Variants in CCDC126 observed in about 807,000 individuals in gnomAD.
The protein encoded by CCDC126 is coiled-coil domain containing 126, also known as coiled-coil domain-containing protein 126.
CCDC126 carries 5 observed loss-of-function variants against 11.7 expected under a neutral mutation model. The observed-to-expected ratio is 0.43, with a 90% CI of 0.22 to 0.90. CCDC126 has a LOEUF of 0.90. Among genes scored for constraint, CCDC126 ranks in the 40% least tolerant of loss-of-function variants. The pLI is 0.27. For synonymous variants in CCDC126, 60 were observed against 61.9 expected, an observed-to-expected ratio of 0.97 and a Z score of 0.14; for missense variants, 150 against 163.1, an observed-to-expected ratio of 0.92 and a Z score of 0.44.
At position 23,610,936 on chromosome 7, in the gene CCDC126, A is replaced by G. The variant is rs77189708; in HGVS notation, c.-145-235A>G. On this transcript the variant is annotated intron_variant, in intron 2 of 3. Coordinates refer to ENST00000307471, the MANE Select transcript of CCDC126 (RefSeq NM_138771.4). Reference sequence around the variant, plus strand: ...AAACAATTTGAAGAGTTTTATGACCATGGTTGCATTTTTTCAGTTATTTTC... The same window carrying G: ...AAACAATTTGAAGAGTTTTATGACCGTGGTTGCATTTTTTCAGTTATTTTC... 2.3e-3 allele frequency among the ~76,000 whole-genome samples: 354 copies of G among 152,286 alleles called. 3 individuals carry two copies. Among genetic ancestry groups the G allele is most frequent in the African/African-American group, 8.1e-3 (338 of 41,560 alleles).
intron 3 of CCDC126, among the ~76,000 whole-genome samples, chr7:23,612,723 A>G (rs1047145765): frequency 6.6e-6 from 1 of 152,148 alleles, no homozygotes; most frequent in Non-Finnish European, 1.5e-5. Flanking sequence ...CAATACCATT[A>G]TCACACCTAG....
In CCDC126 at chr7:23,611,341, A is replaced by G. The variant is rs1184498227; in HGVS notation, c.26A>G (p.Asn9Ser). The G allele has an allele frequency of 1.2e-6, 2 of 1,612,628 alleles. No homozygotes were observed. The highest frequency in any genetic ancestry group is 8.5e-7 in the Non-Finnish European group (1 of 1,178,956). Residue 9 changes from asparagine to serine, a missense_variant, in exon 3 of 4, where the codon AAT becomes AGT. Asn to Ser is a conservative substitution (Grantham distance 46). Transcript: ENST00000307471. MFFTISRK[N>S]MSQKLSLLLL... ...ATGTTTTTTACAATCTCAAGAAAAA[A>G]TATGTCCCAGAAATTGAGTTTACTG...
intron 3 of CCDC126, among the ~76,000 whole-genome samples, chr7:23,633,312 G>C (rs1467186405): frequency 1.3e-5 from 2 of 152,132 alleles, no homozygotes; most frequent in African/African-American, 4.8e-5. Context: ...ATCTTAAGAA[G>C]AGAAGTAATA....
Position 23,642,954 on chromosome 7 carries a change from G to A in CCDC126, c.262G>A (p.Val88Ile). The part of the protein sequence containing the change: ...GYADLKRTIA[V>I]LLDDILQRLV... ...AGCGGATCTGAAAAGAACAATTGCTGTCCTTCTGGATGACATTTTGCAACG... is the reference window on the plus strand; with the variant it reads ...AGCGGATCTGAAAAGAACAATTGCTATCCTTCTGGATGACATTTTGCAACG... Residue 88 changes from valine (V) to isoleucine (I), a missense_variant, in exon 4 of 4, where the codon GTC becomes ATC. Physicochemically the swap from Val to Ile is conservative, Grantham distance 29. Coordinates refer to ENST00000307471, the MANE Select transcript of CCDC126 (RefSeq NM_138771.4). 4 of 1,614,014 alleles carry A rather than the reference G, an allele frequency of 2.5e-6. No individual in the cohort carries two copies. The highest frequency in any genetic ancestry group is 2.5e-6 in the Non-Finnish European group (3 of 1,179,932).
At chr7:23,622,693 A>G (rs1369442343) in intron 3 of CCDC126, 1 of 531,136 alleles carries the variant, frequency 1.9e-6, no homozygotes, top group African/African-American at 1.9e-5. Context: ...TAGTACAGAG[A>G]GTAGCTCAGC....
intron 3 of CCDC126, among the ~76,000 whole-genome samples, chr7:23,632,031 C>G (rs1783124829): frequency 6.6e-6 from 1 of 150,934 alleles, no homozygotes; most frequent in Non-Finnish European, 1.5e-5. Flanking sequence ...TAGATGTGAA[C>G]ATTCTTAAGA....
At chr7:23,618,407 G>C (rs1782830612) in intron 3 of CCDC126, among the ~76,000 whole-genome samples, 1 of 152,118 alleles carries the variant, frequency 6.6e-6, no homozygotes, top group Non-Finnish European at 1.5e-5. Flanking sequence ...CCCACTCTGA[G>C]TTGCCTCCTT....
intron 3 of CCDC126, among the ~76,000 whole-genome samples, chr7:23,639,668 T>C (rs1316682628): frequency 2.6e-5 from 4 of 152,220 alleles, no homozygotes; most frequent in Non-Finnish European, 4.4e-5. Flanking sequence ...TCATGATGAA[T>C]GATGCCAGAG....
At chr7:23,620,829 A>G (rs930658586) in intron 3 of CCDC126, among the ~76,000 whole-genome samples, 1 of 152,230 alleles carries the variant, frequency 6.6e-6, no homozygotes, top group African/African-American at 2.4e-5. Context: ...CATTTATTAA[A>G]TAGGGAATCC....
chr7:23,600,334 T>G (rs1017573729), intron 2 of CCDC126, among the ~76,000 whole-genome samples: 2 of 151,570 alleles, frequency 1.3e-5, no homozygotes, highest in Non-Finnish European at 2.9e-5. Flanking sequence ...ATTTTAAATC[T>G]TAGACCTTAT....
At chr7:23,608,331 C>G (rs1048081020) in intron 2 of CCDC126, among the ~76,000 whole-genome samples, 2 of 152,174 alleles carry the variant, frequency 1.3e-5, no homozygotes, top group African/African-American at 4.8e-5. Context: ...TGGTTGAGAT[C>G]AGTGGTGGAG....
intron 3 of CCDC126, among the ~76,000 whole-genome samples, chr7:23,621,683 T>A (rs2128018231): frequency 6.6e-6 from 1 of 152,326 alleles, no homozygotes; most frequent in African/African-American, 2.4e-5. Flanking sequence ...TGCTTCCAGT[T>A]TTTGCCCATT....
Position 23,625,649 on chromosome 7 carries a change from ATTTTTTT to A in CCDC126, c.238+14114_238+14120del, listed in dbSNP as rs34492140. ...AATTTGTTTATTTCTTATTTGACTG[ATTTTTTT>A]TTTTTTTTTTTTTTTTTGAGGCAGA... On this transcript the variant is annotated intron_variant, in intron 3 of 3. Transcript: ENST00000307471. 2.0e-3 allele frequency among the ~76,000 whole-genome samples: 152 copies of A among 77,152 alleles called. 1 individual carries two copies. Among genetic ancestry groups the A allele is most frequent in the African/African-American group, 7.2e-3 (130 of 17,982 alleles). The allele number at this position is 77,152 out of a possible 152,430, so 50.6% of individuals were successfully genotyped here.
chr7:23,602,154 C>A (rs770521572), intron 2 of CCDC126: 1 of 151,952 alleles, frequency 6.6e-6, no homozygotes, highest in East Asian at 1.9e-4. Context: ...CACTTTTCTC[C>A]GAAGATCTTG....
chr7:23,622,840 C>G (rs550510444), intron 3 of CCDC126: 1 of 411,808 alleles, frequency 2.4e-6, no homozygotes, highest in South Asian at 2.0e-5. Context: ...TTACAAGACA[C>G]AATTCCTCTG....
rs1048875116 is a variant in CCDC126, at chr7:23,643,775, T to C, written c.*660T>C. ...TGGGTAGCAGCCACTGTCCATTACC[T>C]ATCGTAAACATTGGGGCAATTTAAT... On this transcript the variant is annotated 3_prime_UTR_variant, in exon 4 of 4. Coordinates refer to ENST00000307471, the MANE Select transcript of CCDC126 (RefSeq NM_138771.4). 1 of 152,390 alleles carries C rather than the reference T, an allele frequency of 6.6e-6. No homozygotes were observed. Among genetic ancestry groups the C allele is most frequent in the Non-Finnish European group, 1.5e-5 (1 of 67,988 alleles). 9.4% of individuals were successfully genotyped at this position (152,390 alleles called of 1,614,324 possible). A position where few individuals can be genotyped will look rare whatever the true frequency, so the allele number is the denominator to read the frequency against.
chr7:23,643,219 A>C lies in CCDC126; in HGVS notation c.*104A>C, dbSNP rs543780923. ...AGGACAGAGCAATACTTTACAATAA[A>C]AGCTCTACACATTTTCAAGGAGTAT... is the stretch of plus-strand genomic sequence containing the variant. On this transcript the variant is annotated 3_prime_UTR_variant, in exon 4 of 4. Transcript: ENST00000307471. 444 of 948,460 alleles carry C rather than the reference A, an allele frequency of 4.7e-4. No individual in the cohort carries two copies. Among genetic ancestry groups the C allele is most frequent in the Non-Finnish European group, 6.4e-4 (419 of 650,162 alleles). The allele number at this position is 948,460 out of a possible 1,614,324, so 58.8% of individuals were successfully genotyped here. A position where few individuals can be genotyped will look rare whatever the true frequency, so the allele number is the denominator to read the frequency against.
At chr7:23,599,276 A>G (rs1377977634) in intron 2 of CCDC126, among the ~76,000 whole-genome samples, 1 of 151,810 alleles carries the variant, frequency 6.6e-6, no homozygotes, top group African/African-American at 2.4e-5. Context: ...ATCCAACTTT[A>G]TTATTTATTT....
At chr7:23,607,840 G>T (rs2097528293) in intron 2 of CCDC126, among the ~76,000 whole-genome samples, 1 of 152,150 alleles carries the variant, frequency 6.6e-6, no homozygotes, top group South Asian at 2.1e-4. Context: ...GTCATCTGAA[G>T]AATGACAAGG....
Sources: gnomAD v4.1 joint callset for allele counts (sites outside exome capture counted in the v4.1 genomes callset) on GRCh38, gnomAD v4.1.1 for gene constraint, MANE v1.5 for transcripts, NCBI Gene and HGNC (gene_info 2026-07-23, HGNC 2026-07-21) for gene names.